The following DYNC2H1 variants were observed in gnomAD, a reference collection of about 807,000 sequenced individuals.
DYNC2H1 encodes cytoplasmic dynein 2 heavy chain 1.
Under a neutral mutation model 570.0 loss-of-function variants are expected in DYNC2H1, and 410 were observed. The ratio of observed to expected loss-of-function variants is 0.72; its 90% CI spans 0.66 to 0.78. DYNC2H1 has a LOEUF of 0.78. Ranked by LOEUF, DYNC2H1 falls within the 30% of genes least tolerant of loss-of-function variation. The pLI, the probability that DYNC2H1 is intolerant of heterozygous loss-of-function variation, is 0.00. For missense variants in DYNC2H1, 4,865 were observed against 5,046.4 expected (o/e 0.96, Z 1.09); for synonymous variants, 1,688 against 1,677.6 (o/e 1.01, Z -0.15).
Position 103,252,073 on chromosome 11 carries a change from T to C in DYNC2H1, c.10043-1212T>C, listed in dbSNP as rs1864855598. 2.0e-5 allele frequency among the ~76,000 whole-genome samples: 3 copies of C among 151,706 alleles called. No homozygotes were observed. In the South Asian group the frequency reaches 6.2e-4, roughly 32 times the overall value. On this transcript the variant is annotated intron_variant, in intron 65 of 88. Coordinates refer to ENST00000375735, the MANE Select transcript of DYNC2H1 (RefSeq NM_001377.3). The surrounding 1 kb of genome is among the most constrained non-coding windows in gnomAD (Gnocchi z 4.6). The stretch of plus-strand genomic sequence containing the variant: ...CTGAGTATGTTGGACTATAGGCACA[T>C]ACCATCATGCCCAGCTAATTAAAAA...
intron 24 of DYNC2H1, 144 bp downstream of exon 24, chr11:103,154,953 A>G: frequency 3.0e-6 from 2 of 668,492 alleles, no homozygotes; most frequent in East Asian, 6.2e-5. Flanking sequence ...TACAGAGTAA[A>G]CCATAGAAAT....
intron 35 of DYNC2H1, 105 bp downstream of exon 35, chr11:103,173,410 T>G: frequency 1.3e-6 from 1 of 783,464 alleles, no homozygotes; most frequent in Non-Finnish European, 1.8e-6. Context: ...ATTGCATGAT[T>G]TTTATTCTGA....
intron 18 of DYNC2H1, among the ~76,000 whole-genome samples, chr11:103,146,560 C>G (rs771165562): frequency 2.4e-4 from 37 of 152,106 alleles, no homozygotes; most frequent in Non-Finnish European, 4.3e-4. Flanking sequence ...CATATTAATA[C>G]ACTTATAAAA....
At chr11:103,233,868 GT>G (rs1565417441) in intron 60 of DYNC2H1, among the ~76,000 whole-genome samples, 165 bp from the exon 61 acceptor site, 6 of 115,504 alleles carry the variant, frequency 5.2e-5, no homozygotes, top group African/African-American at 1.6e-4. Flanking sequence ...GTGTGTGTGT[GT>G]GTGTGTGTGG....
At chr11:103,156,867 A>T in intron 26 of DYNC2H1, 97 bp downstream of exon 26, 1 of 1,421,708 alleles carries the variant, frequency 7.0e-7, no homozygotes, top group Non-Finnish European at 9.4e-7. Flanking sequence ...CTTTTACATG[A>T]TTGGTATCCT....
At chr11:103,314,525 C>T (rs1401108064) in intron 79 of DYNC2H1, among the ~76,000 whole-genome samples, 1 of 151,814 alleles carries the variant, frequency 6.6e-6, no homozygotes, top group Non-Finnish European at 1.5e-5. Flanking sequence ...CATTTAACAC[C>T]TATTTATAGC....
In DYNC2H1 at chr11:103,120,572, A is replaced by G; in HGVS notation, c.1125A>G (p.Pro375=). 1 of 1,611,314 alleles carries G rather than the reference A, an allele frequency of 6.2e-7. No homozygotes were observed. The highest frequency in any genetic ancestry group is 8.5e-7 in the Non-Finnish European group (1 of 1,178,704). The change falls in exon 7 of 89, where the codon CCA becomes CCG. Residue 375 remains proline, a synonymous_variant. Coordinates refer to ENST00000375735, the MANE Select transcript of DYNC2H1 (RefSeq NM_001377.3). ...FTGLNPVQYN[P]YTEPLWKAAV... ...GCCTGAATCCTGTGCAATATAATCCATATACTGAGGTTGTATATATATTTG... is the reference window on the plus strand; with the variant it reads ...GCCTGAATCCTGTGCAATATAATCCGTATACTGAGGTTGTATATATATTTG...
chr11:103,166,021 A>G lies in DYNC2H1; in HGVS notation c.4735A>G (p.Thr1579Ala), dbSNP rs1591347203. 2 of 1,532,574 alleles carry G rather than the reference A, an allele frequency of 1.3e-6. No individual in the cohort carries two copies. The highest frequency in any genetic ancestry group is 8.8e-7 in the Non-Finnish European group (1 of 1,138,234). The allele number at this position is 1,532,574 out of a possible 1,614,324, so 94.9% of individuals were successfully genotyped here. ...GTTAGAGCAATATACTAACATTGATACAAGTTCTGAGGATCCAGGGAATAC... is the reference window on the plus strand; with the variant it reads ...GTTAGAGCAATATACTAACATTGATGCAAGTTCTGAGGATCCAGGGAATAC... ...NKLEQYTNID[T>A]SSEDPGNTES... Residue 1579 changes from threonine (T) to alanine (A), a missense_variant, in exon 31 of 89, where the codon ACA (threonine) becomes GCA (alanine). Thr to Ala is a moderately conservative substitution (Grantham distance 58). Around this residue, in one of 5 missense-constraint regions of DYNC2H1, gnomAD observed 1,936 missense variants for 1,962.1 expected, o/e 0.99. Coordinates refer to ENST00000375735, the MANE Select transcript of DYNC2H1 (RefSeq NM_001377.3).
chr11:103,146,907 A>G (rs1860269647), intron 18 of DYNC2H1, among the ~76,000 whole-genome samples: 2 of 152,104 alleles, frequency 1.3e-5, no homozygotes, highest in Non-Finnish European at 2.9e-5. Context: ...CTATTCTGCT[A>G]TTTTTATGGA....
At chr11:103,455,864 G>A (rs1164609102) in intron 86 of DYNC2H1, among the ~76,000 whole-genome samples, 2 of 152,004 alleles carry the variant, frequency 1.3e-5, no homozygotes, top group East Asian at 3.9e-4. Flanking sequence ...TAATAAAAGG[G>A]ACATTACTAA....
chr11:103,303,320 C>A, intron 76 of DYNC2H1, 67 bp downstream of exon 76: 1 of 1,522,470 alleles, frequency 6.6e-7, no homozygotes, highest in South Asian at 1.3e-5. Context: ...TGATATTGGT[C>A]AAATGGACAT....
At chr11:103,202,294 A>ATTG (rs1862752682) in intron 50 of DYNC2H1, among the ~76,000 whole-genome samples, 1 of 132,702 alleles carries the variant, frequency 7.5e-6, no homozygotes, top group African/African-American at 2.7e-5. Flanking sequence ...AGAAACACAG[A>ATTG]TTTTTTTTTT....
At chr11:103,274,153 C>T (rs1166306776) in intron 70 of DYNC2H1, among the ~76,000 whole-genome samples, 1 of 151,462 alleles carries the variant, frequency 6.6e-6, no homozygotes, top group Non-Finnish European at 1.5e-5. Context: ...TATATACACA[C>T]ACATATATAT....
intron 59 of DYNC2H1, among the ~76,000 whole-genome samples, chr11:103,229,211 C>T (rs973289630): frequency 1.3e-5 from 2 of 152,156 alleles, no homozygotes; most frequent in African/African-American, 4.8e-5. Flanking sequence ...TCTCAGGGAG[C>T]CTGCAGTGGT....
chr11:103,413,085 G>A (rs1794471952), intron 84 of DYNC2H1, among the ~76,000 whole-genome samples: 1 of 152,170 alleles, frequency 6.6e-6, no homozygotes, highest in African/African-American at 2.4e-5. Flanking sequence ...CTCTTGAGGT[G>A]CGTGTCAACT....
intron 82 of DYNC2H1, among the ~76,000 whole-genome samples, chr11:103,348,610 T>A (rs1408734197): frequency 2.6e-5 from 4 of 152,194 alleles, no homozygotes; most frequent in African/African-American, 7.2e-5. Flanking sequence ...AAGATTCATC[T>A]GTGTTATGTA....
intron 82 of DYNC2H1, among the ~76,000 whole-genome samples, chr11:103,342,694 T>A (rs1391777700): frequency 6.6e-6 from 1 of 151,874 alleles, no homozygotes; most frequent in East Asian, 1.9e-4. Flanking sequence ...TTAGTAGAGA[T>A]GGGGTTTCAC....
intron 65 of DYNC2H1, among the ~76,000 whole-genome samples, chr11:103,248,466 G>A (rs1156295591): frequency 1.3e-5 from 2 of 151,986 alleles, no homozygotes; most frequent in Non-Finnish European, 2.9e-5. Flanking sequence ...ATATAAAAGA[G>A]AAATAATTAG....
rs368040797 is a variant in DYNC2H1, at chr11:103,231,281, C to G, written c.9375C>G (p.Asp3125Glu). ...GLESNLKKTE[D>E]RKRKLEELLN... ...TTAGGAATCTGAAGAAAACTGAAGACAGAAAAAGGAAACTAGAGGAGCTTC... is the reference window on the plus strand; with the variant it reads ...TTAGGAATCTGAAGAAAACTGAAGAGAGAAAAAGGAAACTAGAGGAGCTTC... Residue 3125 changes from aspartate to glutamate, a missense_variant, in exon 60 of 89, where the codon GAC becomes GAG. By Grantham distance (45) the Asp-to-Glu change is conservative. This residue lies in a region of DYNC2H1 where 2,401 missense variants were observed against 2,454.6 expected (regional missense o/e 0.98). Coordinates refer to ENST00000375735, the MANE Select transcript of DYNC2H1 (RefSeq NM_001377.3). 4.4e-6 allele frequency: 7 copies of G among 1,604,018 alleles called. No homozygotes were observed. The highest frequency in any genetic ancestry group is 1.7e-4 in the Middle Eastern group (1 of 5,998).
Sources: allele counts gnomAD v4.1 joint callset (sites outside exome capture counted in the v4.1 genomes callset), GRCh38; gene constraint gnomAD v4.1.1; regional missense constraint gnomAD v4.1.1; non-coding constraint Gnocchi (gnomAD v3.1); transcripts MANE v1.5; gene names NCBI Gene and HGNC (gene_info 2026-07-23, HGNC 2026-07-21).